Variants in WDR37 observed in about 807,000 individuals in gnomAD.
The protein encoded by WDR37 is WD repeat domain 37, also known as WD repeat-containing protein 37.
Under a neutral mutation model 62.9 loss-of-function variants are expected in WDR37, and 19 were observed. The ratio of observed to expected loss-of-function variants is 0.30; its 90% CI spans 0.21 to 0.44. The LOEUF (loss-of-function observed/expected upper bound fraction) is 0.44, where lower values mean the gene tolerates loss of function less well. Among genes scored for constraint, WDR37 ranks in the 20% least tolerant of loss-of-function variants. The probability of loss-of-function intolerance (pLI) is 1.00; values close to 1 mark genes in which losing one functional copy is unlikely to be tolerated. For synonymous variants in WDR37, 250 were observed against 260.9 expected (o/e 0.96, Z 0.40); for missense variants, 474 against 657.6 (o/e 0.72, Z 3.05).
chr10:1,123,098 C>T (rs1304225427), intron 11 of WDR37, among the ~76,000 whole-genome samples: 5 of 152,178 alleles, frequency 3.3e-5, no homozygotes, highest in Non-Finnish European at 7.3e-5. Context: ...CATTTCAGGG[C>T]CTCTTCGGTT....
intron 1 of WDR37, among the ~76,000 whole-genome samples, chr10:1,069,389 A>ATATATATATATATATATATATTTT: frequency 4.2e-5 from 4 of 95,800 alleles, no homozygotes; most frequent in South Asian, 3.7e-4. Context: ...ATATATATAT[A>ATATATATATATATATATATATTTT]TTTTTTTTTT....
In WDR37 at chr10:1,121,550, G is replaced by A. The variant is rs997329294; in HGVS notation, c.1104-2668G>A. Reference sequence around the variant, plus strand: ...TGCCCATGCTGCTCTCGTAACCCGTGCTGCTCTCGTTACCCAGGCTGGGCG... The same window carrying A: ...TGCCCATGCTGCTCTCGTAACCCGTACTGCTCTCGTTACCCAGGCTGGGCG... On this transcript the variant is annotated intron_variant, in intron 11 of 13. Coordinates refer to ENST00000263150, the MANE Select transcript of WDR37 (RefSeq NM_014023.4). This position sits in a 1 kb window ranked among gnomAD's most constrained non-coding sequence, Gnocchi z 4.5. Among the ~76,000 whole-genome samples the A allele has an allele frequency of 6.6e-6, 1 of 152,184 alleles. No individual in the cohort carries two copies. The highest frequency in any genetic ancestry group is 1.5e-5 in the Non-Finnish European group (1 of 68,024).
Position 1,103,655 on chromosome 10 carries a change from T to C in WDR37, c.780T>C (p.Asp260=). 1 of 1,614,206 alleles carries C rather than the reference T, an allele frequency of 6.2e-7. No homozygotes were observed. The highest frequency in any genetic ancestry group is 8.5e-7 in the Non-Finnish European group (1 of 1,180,038). ...ECSDKDEPDL[D]GDVSSDCPTI... is the part of the protein sequence containing the mutation. The stretch of plus-strand genomic sequence containing the variant: ...CTGACAAGGACGAGCCCGACCTCGA[T>C]GGGGATGTGTCCAGCGACTGCCCCA... Residue 260 remains aspartate (D), a synonymous_variant, in exon 10 of 14, where the codon GAT becomes GAC. Transcript: ENST00000263150. The surrounding 1 kb of genome is among the most constrained non-coding windows in gnomAD (Gnocchi z 6.3).
intron 1 of WDR37, among the ~76,000 whole-genome samples, chr10:1,065,253 A>G (rs1470933269): frequency 6.6e-6 from 1 of 152,212 alleles, no homozygotes; most frequent in African/African-American, 2.4e-5. Context: ...TACGTTATAA[A>G]TGGGGAAAGG....
rs868219559 is a variant in WDR37 at position 1,124,684 on chromosome 10, G to A, written c.1239-226G>A. Among the ~76,000 whole-genome samples the A allele has an allele frequency of 2.1e-4, 25 of 120,594 alleles. No individual in the cohort carries two copies. In the East Asian group the frequency reaches 6.1e-3, roughly 30 times the overall value. The allele number at this position is 120,594 out of a possible 152,430, so 79.1% of individuals were successfully genotyped here. A position where few individuals can be genotyped will look rare whatever the true frequency, so the allele number is the denominator to read the frequency against. ...TGTGTGTGTGTGTGTGTGTGTGTGT[G>A]TGTGTGTGTATTGTGTGTATGTGCA... On this transcript the variant is annotated intron_variant, in intron 12 of 13. Transcript: ENST00000263150.
At chr10:1,067,632 T>A (rs1249741547) in intron 1 of WDR37, among the ~76,000 whole-genome samples, 1 of 152,202 alleles carries the variant, frequency 6.6e-6, no homozygotes, top group Non-Finnish European at 1.5e-5. Flanking sequence ...CTGAAGAGGA[T>A]ATGTGGATGA....
chr10:1,063,845 AC>A (rs1833451647), intron 1 of WDR37, among the ~76,000 whole-genome samples: 1 of 151,964 alleles, frequency 6.6e-6, no homozygotes, highest in Admixed American at 6.6e-5. Context: ...CTCAACTTCC[AC>A]CTCACCGTCC....
chr10:1,116,235 C>T (rs1273444986), intron 11 of WDR37, among the ~76,000 whole-genome samples: 2 of 151,738 alleles, frequency 1.3e-5, no homozygotes, highest in African/African-American at 4.8e-5. Context: ...TCCCGTCATC[C>T]CCCCTGCCCT....
At chr10:1,126,213 G>A (rs1397497650) in intron 13 of WDR37, among the ~76,000 whole-genome samples, 1 of 152,130 alleles carries the variant, frequency 6.6e-6, no homozygotes, top group East Asian at 1.9e-4. Flanking sequence ...AGACCATCCT[G>A]ACTAACACGG....
chr10:1,070,891 T>A (rs1180017373), intron 1 of WDR37, among the ~76,000 whole-genome samples: 1 of 152,136 alleles, frequency 6.6e-6, no homozygotes, highest in Admixed American at 6.5e-5. Context: ...GGCTATTGAG[T>A]AAGTGAGAGC....
intron 7 of WDR37, among the ~76,000 whole-genome samples, chr10:1,087,469 G>A (rs969869830): frequency 5.9e-5 from 9 of 152,258 alleles, no homozygotes; most frequent in South Asian, 4.1e-4. Flanking sequence ...CTTGAAAATC[G>A]AAATGACTCC....
chr10:1,124,971 C>CTGTT lies in WDR37; in HGVS notation c.1303_1306dup (p.Asp436ValfsTer2). On this transcript the variant is annotated frameshift_variant, in exon 13 of 14. Transcript: ENST00000263150. LOFTEE classifies it high-confidence loss of function. ...CCCCCATGACAACCGACAAGTGAGA[C>CTGTT]TGTTTGATATGTCAGGAGTGCGCCT... is the stretch of plus-strand genomic sequence containing the variant. The CTGTT allele has an allele frequency of 6.2e-7, 1 of 1,614,234 alleles. No individual in the cohort carries two copies. Among genetic ancestry groups the CTGTT allele is most frequent in the Non-Finnish European group, 8.5e-7 (1 of 1,180,038 alleles).
At chr10:1,068,454 CA>C (rs911520549) in intron 1 of WDR37, among the ~76,000 whole-genome samples, 1 of 149,742 alleles carries the variant, frequency 6.7e-6, no homozygotes, top group Non-Finnish European at 1.5e-5. Flanking sequence ...GACTCTGTCT[CA>C]AAAAAACAAA....
chr10:1,075,968 C>T (rs777886357), intron 2 of WDR37, among the ~76,000 whole-genome samples: 6 of 151,896 alleles, frequency 4.0e-5, no homozygotes, highest in African/African-American at 1.2e-4. Context: ...TTAGTAGAGA[C>T]GAAGTTTAAC....
intron 11 of WDR37, among the ~76,000 whole-genome samples, chr10:1,109,580 G>A (rs760013441): frequency 5.0e-4 from 76 of 152,196 alleles, no homozygotes; most frequent in Admixed American, 2.8e-3. Flanking sequence ...GTGTGGTGGC[G>A]CACGCCTGTA....
intron 11 of WDR37, among the ~76,000 whole-genome samples, chr10:1,116,112 T>G (rs113155214): frequency 9.2e-5 from 14 of 152,272 alleles, no homozygotes; most frequent in African/African-American, 3.1e-4. Context: ...GGAGTGATGC[T>G]CGTTGCACGC....
At chr10:1,089,677 G>A (rs547652210) in intron 7 of WDR37, among the ~76,000 whole-genome samples, 3 of 150,192 alleles carry the variant, frequency 2.0e-5, no homozygotes, top group African/African-American at 4.9e-5. Flanking sequence ...CGGCCTTCCC[G>A]TGCTCACCCG....
intron 12 of WDR37, 125 bp downstream of exon 12, chr10:1,124,477 G>C: frequency 7.4e-7 from 1 of 1,342,704 alleles, no homozygotes; most frequent in South Asian, 1.3e-5. Flanking sequence ...AGGCTCCTTT[G>C]TCCTCTAATG....
chr10:1,079,795 G>C (rs1833975501), intron 3 of WDR37, among the ~76,000 whole-genome samples: 1 of 152,090 alleles, frequency 6.6e-6, no homozygotes, highest in Non-Finnish European at 1.5e-5. Context: ...AAAGTGCTGG[G>C]ATTACAGACG....
Sources: gnomAD v4.1 joint callset for allele counts (sites outside exome capture counted in the v4.1 genomes callset) on GRCh38, gnomAD v4.1.1 for gene constraint, Gnocchi (gnomAD v3.1) non-coding constraint, MANE v1.5 for transcripts, NCBI Gene and HGNC (gene_info 2026-07-23, HGNC 2026-07-21) for gene names.